The following MTHFD2L variants were observed in gnomAD, a reference collection of about 807,000 sequenced individuals.
MTHFD2L encodes the protein bifunctional methylenetetrahydrofolate dehydrogenase/cyclohydrolase 2, mitochondrial.
A neutral mutation model predicts 34.9 loss-of-function variants in MTHFD2L; 29 were observed. The ratio of observed to expected loss-of-function variants is 0.83; its 90% CI spans 0.62 to 1.13. MTHFD2L has a LOEUF of 1.13. Ranked by LOEUF, MTHFD2L falls within the 50% of genes most tolerant of loss-of-function variation. The pLI is 0.00. For missense variants in MTHFD2L, 481 were observed against 446.5 expected (o/e 1.08, Z -0.70); for synonymous variants, 167 against 155.7 (o/e 1.07, Z -0.54).
intron 6 of MTHFD2L, among the ~76,000 whole-genome samples, chr4:74,262,171 A>G (rs1421715330): frequency 6.6e-6 from 1 of 152,012 alleles, no homozygotes; most frequent in East Asian, 1.9e-4. Flanking sequence ...GTATTAAAAC[A>G]TTTGACTTCC....
At chr4:74,238,228 C>A (rs1243535086) in intron 6 of MTHFD2L, among the ~76,000 whole-genome samples, 1 of 152,076 alleles carries the variant, frequency 6.6e-6, no homozygotes, top group African/African-American at 2.4e-5. Flanking sequence ...TGGTTACCTG[C>A]TTTAGGTGTG....
chr4:74,139,439 G>C (rs569412889), intron 1 of MTHFD2L, among the ~76,000 whole-genome samples: 1 of 152,316 alleles, frequency 6.6e-6, no homozygotes, highest in African/African-American at 2.4e-5. Flanking sequence ...GCTGTCCTCA[G>C]GGGTATTTCT....
At chr4:74,267,900 A>T (rs1343588191) in intron 6 of MTHFD2L, 1 of 985,226 alleles carries the variant, frequency 1.0e-6, no homozygotes, top group African/African-American at 1.7e-5. Context: ...TATGGCACAG[A>T]GCAGAGCCCT....
At chr4:74,268,259 C>G (rs1745553778) in intron 6 of MTHFD2L, 4 of 982,918 alleles carry the variant, frequency 4.1e-6, no homozygotes, top group Middle Eastern at 5.2e-4. Flanking sequence ...GCAAATAATG[C>G]TGAAGAAAGT....
chr4:74,225,479 TGA>T (rs1403964102), intron 6 of MTHFD2L, 85 bp downstream of exon 6: 37 of 1,099,366 alleles, frequency 3.4e-5, no homozygotes, highest in Non-Finnish European at 4.7e-5. Flanking sequence ...GAAAGCTTTT[TGA>T]GAGAGTTAGC....
intron 6 of MTHFD2L, among the ~76,000 whole-genome samples, chr4:74,235,527 G>A (rs972251562): frequency 1.1e-4 from 17 of 152,208 alleles, no homozygotes; most frequent in East Asian, 5.8e-4. Context: ...ATATGTGGGT[G>A]TGGGGTTTGG....
rs1736968883 is a variant in MTHFD2L at position 74,215,065 on chromosome 4, A to G, written c.713-10237A>G. ...CCCCCTGCCACCCTGAACAAGCTCAAGCATCCCAGGCCGACTTCAGACTGC... is the reference window on the plus strand; with the variant it reads ...CCCCCTGCCACCCTGAACAAGCTCAGGCATCCCAGGCCGACTTCAGACTGC... On this transcript the variant is annotated intron_variant, in intron 5 of 7. Coordinates refer to ENST00000325278, the MANE Select transcript of MTHFD2L (RefSeq NM_001144978.3). Among the ~76,000 whole-genome samples the G allele has an allele frequency of 2.6e-5, 4 of 151,694 alleles. 1 individual carries two copies. In the South Asian group the frequency reaches 6.2e-4, roughly 24 times the overall value.
intron 5 of MTHFD2L, among the ~76,000 whole-genome samples, chr4:74,218,874 T>C (rs1406187598): frequency 1.3e-5 from 2 of 152,084 alleles, no homozygotes; most frequent in African/African-American, 4.8e-5. Flanking sequence ...AACTCTAAGA[T>C]TCTAGAAGAT....
At chr4:74,204,669 T>C (rs1382948291) in intron 5 of MTHFD2L, among the ~76,000 whole-genome samples, 1 of 152,210 alleles carries the variant, frequency 6.6e-6, no homozygotes, top group Non-Finnish European at 1.5e-5. Flanking sequence ...AATTTCTTGA[T>C]AAATTTCAAT....
At chr4:74,222,613 A>G (rs746087985) in intron 5 of MTHFD2L, among the ~76,000 whole-genome samples, 8 of 152,076 alleles carry the variant, frequency 5.3e-5, no homozygotes, top group African/African-American at 1.7e-4. Context: ...TGTTACCCCA[A>G]TCCTCACACT....
intron 7 of MTHFD2L, among the ~76,000 whole-genome samples, chr4:74,282,084 G>T (rs1747561692): frequency 6.6e-6 from 1 of 151,946 alleles, no homozygotes; most frequent in South Asian, 2.1e-4. Context: ...AGTTTTTGTG[G>T]TCGATGAAAG....
chr4:74,202,125 C>T (rs4694666), intron 5 of MTHFD2L, among the ~76,000 whole-genome samples: 111,054 of 152,140 alleles, frequency 0.73, 47,315 homozygotes, highest in Non-Finnish European at 0.94. Context: ...TAAACAGTTG[C>T]GACTATGGTC....
intron 6 of MTHFD2L, among the ~76,000 whole-genome samples, chr4:74,272,023 A>C (rs58398242): frequency 0.043 from 6,485 of 152,228 alleles, 450 homozygotes; most frequent in African/African-American, 0.15. Flanking sequence ...TGATGATAAT[A>C]CCAAAGTTTT....
intron 6 of MTHFD2L, among the ~76,000 whole-genome samples, chr4:74,247,744 G>T (rs1278777493): frequency 1.3e-5 from 2 of 152,094 alleles, no homozygotes; most frequent in Non-Finnish European, 2.9e-5. Context: ...TAATCATGTG[G>T]TTTTTGTCTT....
intron 6 of MTHFD2L, among the ~76,000 whole-genome samples, chr4:74,270,989 A>G (rs1272506696): frequency 6.6e-6 from 1 of 152,098 alleles, no homozygotes; most frequent in Non-Finnish European, 1.5e-5. Context: ...GTGTCTGTTC[A>G]TATCCTTCGC....
chr4:74,257,096 A>C (rs1469313597), intron 6 of MTHFD2L, among the ~76,000 whole-genome samples: 1 of 152,118 alleles, frequency 6.6e-6, no homozygotes, highest in Non-Finnish European at 1.5e-5. Context: ...CCATGAGCAC[A>C]GAACTTTTTC....
At chr4:74,249,382 C>T (rs1269061792) in intron 6 of MTHFD2L, among the ~76,000 whole-genome samples, 5 of 152,122 alleles carry the variant, frequency 3.3e-5, no homozygotes, top group East Asian at 1.9e-4. Context: ...TGTCTCTGCA[C>T]ATGAAATGGG....
At chr4:74,157,955 T>A (rs1231571427), upstream of MTHFD2L, 9 of 942,770 alleles carry the variant, frequency 9.5e-6, no homozygotes, top group African/African-American at 3.3e-5. Context: ...CCCGGCACTC[T>A]GTCAGTTCCG....
intron 1 of MTHFD2L, among the ~76,000 whole-genome samples, chr4:74,150,269 T>C (rs1723851105): frequency 6.6e-6 from 1 of 152,238 alleles, no homozygotes. Context: ...TTGTTTGTTT[T>C]TGAGACAGAG....
Sources: allele counts gnomAD v4.1 joint callset (sites outside exome capture counted in the v4.1 genomes callset), GRCh38; gene constraint gnomAD v4.1.1; transcripts MANE v1.5; gene names NCBI Gene and HGNC (gene_info 2026-07-23, HGNC 2026-07-21).